The following GLYAT variants were observed in gnomAD, a reference collection of about 807,000 sequenced individuals.
GLYAT encodes glycine-N-acyltransferase, also known as glycine N-acyltransferase.
Under a neutral mutation model 22.8 loss-of-function variants are expected in GLYAT, and 25 were observed. The observed-to-expected ratio is 1.09, with a 90% CI of 0.80 to 1.53. The LOEUF (loss-of-function observed/expected upper bound fraction) is 1.53. Among genes scored for constraint, GLYAT ranks in the 40% most tolerant of loss-of-function variants. GLYAT has a pLI of 0.00. For synonymous variants in GLYAT, 140 were observed against 122.7 expected (o/e 1.14, Z -0.93); for missense variants, 411 against 353.9 (o/e 1.16, Z -1.29).
chr11:58,720,739 T>A (rs547052175), intron 2 of GLYAT, among the ~76,000 whole-genome samples: 1 of 152,162 alleles, frequency 6.6e-6, no homozygotes, highest in Non-Finnish European at 1.5e-5. Flanking sequence ...ACACAAGCAA[T>A]GATTATCCTG....
intron 1 of GLYAT, among the ~76,000 whole-genome samples, chr11:58,727,637 T>C (rs1052364435): frequency 2.0e-5 from 3 of 151,834 alleles, no homozygotes; most frequent in African/African-American, 7.3e-5. Context: ...AGGTAGTCTC[T>C]CAGTAGACAG....
intron 2 of GLYAT, among the ~76,000 whole-genome samples, chr11:58,722,629 C>A (rs926481650): frequency 6.6e-6 from 1 of 152,048 alleles, no homozygotes; most frequent in Non-Finnish European, 1.5e-5. Context: ...TCTATCTTAG[C>A]AACTTTGAAT....
At chr11:58,721,070 T>C (rs1448094568) in intron 2 of GLYAT, among the ~76,000 whole-genome samples, 1 of 151,972 alleles carries the variant, frequency 6.6e-6, no homozygotes, top group Non-Finnish European at 1.5e-5. Context: ...AAATATTTTG[T>C]ATACAATACA....
intron 1 of GLYAT, among the ~76,000 whole-genome samples, chr11:58,729,174 A>C (rs1375614852): frequency 2.0e-5 from 3 of 152,062 alleles, no homozygotes; most frequent in East Asian, 3.9e-4. Context: ...TCTGCTTAGC[A>C]CCTCTGGTCT....
intron 4 of GLYAT, among the ~76,000 whole-genome samples, chr11:58,710,996 A>T (rs79457983): frequency 6.6e-6 from 1 of 152,156 alleles, no homozygotes; most frequent in Admixed American, 6.6e-5. Flanking sequence ...AGCAAAATTT[A>T]TTCAAAGACC....
At chr11:58,726,510 T>C (rs1247281469) in intron 1 of GLYAT, among the ~76,000 whole-genome samples, 1 of 152,008 alleles carries the variant, frequency 6.6e-6, no homozygotes, top group Non-Finnish European at 1.5e-5. Flanking sequence ...GAGAAGACAA[T>C]ATACCTGCCT....
rs2134476590 is a variant in GLYAT, at chr11:58,709,602, G to A, written c.*164C>T. 1.5e-6 allele frequency: 1 copy of A among 665,616 alleles called. No homozygotes were observed. Among genetic ancestry groups the A allele is most frequent in the East Asian group, 2.7e-5 (1 of 36,906 alleles). 41.2% of individuals were successfully genotyped at this position (665,616 alleles called of 1,614,324 possible). On this transcript the variant is annotated 3_prime_UTR_variant, in exon 6 of 6. Transcript: ENST00000344743. ...TCCCACTGAGAAACCTGTGAATGCAGGGACCATGGCGATGCTGTTGAACAT... is the reference window on the plus strand; with the variant it reads ...TCCCACTGAGAAACCTGTGAATGCAAGGACCATGGCGATGCTGTTGAACAT...
chr11:58,727,205 G>A (rs1462857595), intron 1 of GLYAT, among the ~76,000 whole-genome samples: 1 of 152,112 alleles, frequency 6.6e-6, no homozygotes, highest in South Asian at 2.1e-4. Context: ...CAGGATTGGA[G>A]GTCATCCAAG....
intron 4 of GLYAT, among the ~76,000 whole-genome samples, chr11:58,711,881 C>T (rs987651621): frequency 6.6e-6 from 1 of 152,198 alleles, no homozygotes; most frequent in Non-Finnish European, 1.5e-5. Context: ...GTTTTTGCTC[C>T]TGGTTAAGAC....
intron 2 of GLYAT, among the ~76,000 whole-genome samples, chr11:58,716,234 G>A (rs1206023213): frequency 6.6e-6 from 1 of 152,108 alleles, no homozygotes; most frequent in Admixed American, 6.6e-5. Context: ...GTGGTATGCA[G>A]TAGTGGATGT....
At position 58,709,619 on chromosome 11, in the gene GLYAT, G is replaced by C. The variant is rs924160659; in HGVS notation, c.*147C>G. ...TGAATGCAGGGACCATGGCGATGCTGTTGAACATCACACTGCTTCCCCAGA... is the reference window on the plus strand; with the variant it reads ...TGAATGCAGGGACCATGGCGATGCTCTTGAACATCACACTGCTTCCCCAGA... On this transcript the variant is annotated 3_prime_UTR_variant, in exon 6 of 6. Coordinates refer to ENST00000344743, the MANE Select transcript of GLYAT (RefSeq NM_201648.3). 9 of 794,186 alleles carry C rather than the reference G, an allele frequency of 1.1e-5. No individual in the cohort carries two copies. The highest frequency in any genetic ancestry group is 1.8e-5 in the Non-Finnish European group (9 of 507,190). 49.2% of individuals were successfully genotyped at this position (794,186 alleles called of 1,614,324 possible). A position where few individuals can be genotyped will look rare whatever the true frequency, so the allele number is the denominator to read the frequency against.
intron 2 of GLYAT, 129 bp downstream of exon 2, chr11:58,724,287 A>G (rs1590673432): frequency 3.6e-6 from 2 of 553,374 alleles, no homozygotes; most frequent in East Asian, 2.8e-5. Flanking sequence ...GAGGTAAGGC[A>G]TACTAAATGA....
At chr11:58,714,034 C>T (rs975174504) in intron 3 of GLYAT, among the ~76,000 whole-genome samples, 6 of 152,012 alleles carry the variant, frequency 3.9e-5, no homozygotes, top group African/African-American at 1.4e-4. Context: ...ACCTGGAGGA[C>T]ATTATACTTA....
At chr11:58,715,726 C>A (rs766437730) in intron 2 of GLYAT, among the ~76,000 whole-genome samples, 3 of 151,978 alleles carry the variant, frequency 2.0e-5, no homozygotes, top group Non-Finnish European at 2.9e-5. Flanking sequence ...TATTGTGTAC[C>A]TATTTCTCTA....
chr11:58,717,435 C>T (rs188299660), intron 2 of GLYAT, among the ~76,000 whole-genome samples: 254 of 151,750 alleles, frequency 1.7e-3, no homozygotes, highest in African/African-American at 6.0e-3. Flanking sequence ...ATGAAAGTGG[C>T]TTATGTATGT....
At chr11:58,724,573 A>G in intron 1 of GLYAT, 62 bp from the exon 2 acceptor site, 1 of 832,372 alleles carries the variant, frequency 1.2e-6, no homozygotes. Flanking sequence ...CTGAAACAAG[A>G]GTAGCAAGTT....
In GLYAT at chr11:58,712,790, T is replaced by C; in HGVS notation, c.286A>G (p.Ile96Val). The C allele has an allele frequency of 6.2e-7, 1 of 1,612,886 alleles. No individual in the cohort carries two copies. The highest frequency in any genetic ancestry group is 1.1e-5 in the South Asian group (1 of 91,046). The change falls in exon 4 of 6, where the codon ATC becomes GTC. Residue 96 changes from isoleucine to valine, a missense_variant. Coordinates refer to ENST00000344743, the MANE Select transcript of GLYAT (RefSeq NM_201648.3). ...ATCTGTAAATGCTGTTTCCAGTTGA[T>C]GAGTTCTGGTGATCCAAGGAATTCC... is the stretch of plus-strand genomic sequence containing the variant. The part of the protein sequence containing the change: ...CQEFLGSPEL[I>V]NWKQHLQIQS...
intron 3 of GLYAT, among the ~76,000 whole-genome samples, chr11:58,713,636 G>A (rs1040034408): frequency 3.3e-5 from 5 of 152,002 alleles, no homozygotes; most frequent in South Asian, 2.1e-4. Flanking sequence ...CCACTTACAC[G>A]GAAAGAGCTT....
intron 5 of GLYAT, 22 bp downstream of exon 5, chr11:58,710,568 G>A (rs1234886031): frequency 2.1e-5 from 32 of 1,558,316 alleles, no homozygotes; most frequent in Non-Finnish European, 2.8e-5. Flanking sequence ...GAGTGGTATA[G>A]ACTGGATTTT....
Sources: gnomAD v4.1 joint callset for allele counts (sites outside exome capture counted in the v4.1 genomes callset) on GRCh38, gnomAD v4.1.1 for gene constraint, MANE v1.5 for transcripts, NCBI Gene and HGNC (gene_info 2026-07-23, HGNC 2026-07-21) for gene names.